Variants in MYPN observed in about 807,000 individuals in gnomAD.
MYPN encodes the protein myopalladin.
MYPN carries 63 observed loss-of-function variants against 129.4 expected under a neutral mutation model. The observed-to-expected ratio is 0.49, with a 90% CI of 0.40 to 0.60. The LOEUF is 0.60. MYPN is among the 20% of genes least tolerant of loss of function. MYPN has a pLI of 0.00. For synonymous variants in MYPN, 629 were observed against 600.9 expected (o/e 1.05, Z -0.68); for missense variants, 1,596 against 1,635.4 (o/e 0.98, Z 0.42).
chr10:68,192,622 C>T (rs891600832), intron 13 of MYPN, among the ~76,000 whole-genome samples: 1 of 152,134 alleles, frequency 6.6e-6, no homozygotes. Flanking sequence ...TAGAATTCAA[C>T]AGTGAATCCA....
intron 2 of MYPN, among the ~76,000 whole-genome samples, chr10:68,140,174 T>C (rs1332308348): frequency 6.6e-6 from 1 of 152,116 alleles, no homozygotes; most frequent in Non-Finnish European, 1.5e-5. Flanking sequence ...AAAGCTTATG[T>C]GTTCACAGAA....
intron 1 of MYPN, among the ~76,000 whole-genome samples, chr10:68,116,771 C>G (rs2042163510): frequency 6.6e-6 from 1 of 151,992 alleles, no homozygotes; most frequent in Non-Finnish European, 1.5e-5. Flanking sequence ...AAAAAGAAAA[C>G]AAAGCATGAT....
upstream of MYPN, among the ~76,000 whole-genome samples, chr10:68,104,055 C>T (rs919500401): frequency 3.9e-5 from 6 of 152,180 alleles, no homozygotes; most frequent in African/African-American, 1.4e-4. Flanking sequence ...GGCGTAATTT[C>T]CTCCCAGTAA....
intron 1 of MYPN, among the ~76,000 whole-genome samples, chr10:68,096,418 C>T (rs752687056): frequency 2.0e-5 from 3 of 151,998 alleles, no homozygotes; most frequent in Admixed American, 6.6e-5. Context: ...AAAAATTAGC[C>T]GGGCATGGTG....
At position 68,184,427 on chromosome 10, in the gene MYPN, T is replaced by C. The variant is rs530851597; in HGVS notation, c.2704-4478T>C. Among the ~76,000 whole-genome samples the C allele has an allele frequency of 8.6e-5, 11 of 128,580 alleles. No individual in the cohort carries two copies. The South Asian group carries it at 2.7e-3, about 32-fold the overall frequency. The allele number at this position is 128,580 out of a possible 152,430, so 84.4% of individuals were successfully genotyped here. A position where few individuals can be genotyped will look rare whatever the true frequency, so the allele number is the denominator to read the frequency against. Reference sequence around the variant, plus strand: ...GAGTAAACCCAGATCCTGTGTTAACTGTTGGAGGCATTTTTTTTTAGACGG... The same window carrying C: ...GAGTAAACCCAGATCCTGTGTTAACCGTTGGAGGCATTTTTTTTTAGACGG... On this transcript the variant is annotated intron_variant, in intron 12 of 19. Transcript: ENST00000358913.
rs960869945 is a variant in MYPN at position 68,121,657 on chromosome 10, C to T, written c.219C>T (p.Asp73=). ...CCTTTCTGAGCCAAGAAGAATTAGA[C>T]GAAAGTGTCAATTTGGCAAGACTGG... The part of the protein sequence containing the change: ...LSAFLSQEEL[D]ESVNLARLAI... The change falls in exon 2 of 20, where the codon GAC becomes GAT. Residue 73 remains aspartate (D), a synonymous_variant. Coordinates refer to ENST00000358913, the MANE Select transcript of MYPN (RefSeq NM_032578.4). The T allele has an allele frequency of 1.2e-6, 2 of 1,614,188 alleles. No homozygotes were observed. The highest frequency in any genetic ancestry group is 8.5e-7 in the Non-Finnish European group (1 of 1,180,036).
Position 68,114,216 on chromosome 10 carries a change from T to C in MYPN, c.-2+4493T>C, listed in dbSNP as rs148404561. ...ATAACTAAAAAATGAGTTTATTCCA[T>C]GTATTTCCAACAACAGGGTCTTCTT... On this transcript the variant is annotated intron_variant, in intron 1 of 19. Coordinates refer to ENST00000358913, the MANE Select transcript of MYPN (RefSeq NM_032578.4). The C allele has an allele frequency of 2.6e-4, 39 of 152,328 alleles. 1 individual carries two copies. In the East Asian group the frequency reaches 7.1e-3, roughly 28 times the overall value. The allele number at this position is 152,328 out of a possible 1,614,324, so 9.4% of individuals were successfully genotyped here.
In MYPN at chr10:68,174,243, G is replaced by C. The variant is rs150223120; in HGVS notation, c.2151G>C (p.Thr717=). Residue 717 remains threonine (T), a synonymous_variant, in exon 11 of 20, where the codon ACG becomes ACC. Coordinates refer to ENST00000358913, the MANE Select transcript of MYPN (RefSeq NM_032578.4). ...AGGTGAAGGCTCCTTCATCACAGAC[G>C]TTCAGCTTGGCCCGGCCGAAGTATT... is the stretch of plus-strand genomic sequence containing the variant. ...SKQVKAPSSQ[T]FSLARPKYFF... The C allele has an allele frequency of 3.1e-6, 5 of 1,613,958 alleles. No homozygotes were observed. Among genetic ancestry groups the C allele is most frequent in the Admixed American group, 1.7e-5 (1 of 59,984 alleles).
rs186190835 is a variant in MYPN at position 68,163,112 on chromosome 10, T to C, written c.1483+1360T>C. On this transcript the variant is annotated intron_variant, in intron 8 of 19. Coordinates refer to ENST00000358913, the MANE Select transcript of MYPN (RefSeq NM_032578.4). Reference sequence around the variant, plus strand: ...GAGTTAAAGACCAGCCTAGGCAATATAGTGAGCCTCCCACCTCTACAAAAA... The same window carrying C: ...GAGTTAAAGACCAGCCTAGGCAATACAGTGAGCCTCCCACCTCTACAAAAA... 2.4e-4 allele frequency among the ~76,000 whole-genome samples: 37 copies of C among 152,162 alleles called. No individual in the cohort carries two copies. The South Asian group carries it at 4.4e-3, about 18-fold the overall frequency.
intron 2 of MYPN, among the ~76,000 whole-genome samples, chr10:68,126,541 A>T (rs2042328626): frequency 6.6e-6 from 1 of 152,230 alleles, no homozygotes; most frequent in South Asian, 2.1e-4. Flanking sequence ...TAGGCATCTG[A>T]TGCTCTGGTC....
chr10:68,135,892 G>T (rs933194102), intron 2 of MYPN, among the ~76,000 whole-genome samples: 2 of 151,958 alleles, frequency 1.3e-5, no homozygotes, highest in Admixed American at 1.3e-4. Context: ...AATATATAAG[G>T]GTTCTGGAAA....
chr10:68,205,927 A>G (rs2043807443), intron 18 of MYPN, among the ~76,000 whole-genome samples: 1 of 152,214 alleles, frequency 6.6e-6, no homozygotes, highest in Admixed American at 6.5e-5. Context: ...TGATTGATTT[A>G]TTCTTTATTC....
chr10:68,093,156 GC>G (rs2041938615), intron 1 of MYPN, among the ~76,000 whole-genome samples: 2 of 152,122 alleles, frequency 1.3e-5, no homozygotes. Context: ...GGAATTTTAG[GC>G]GTGAGCCACC....
intron 8 of MYPN, among the ~76,000 whole-genome samples, chr10:68,163,670 A>G (rs1053054834): frequency 1.8e-4 from 28 of 152,292 alleles, no homozygotes; most frequent in African/African-American, 6.0e-4. Flanking sequence ...AATCCTGTCT[A>G]TAGCAACAAT....
Position 68,210,887 on chromosome 10 carries a change from G to T in MYPN, c.*432G>T, listed in dbSNP as rs1315066986. 3 of 455,574 alleles carry T rather than the reference G, an allele frequency of 6.6e-6. No homozygotes were observed. Among genetic ancestry groups the T allele is most frequent in the Non-Finnish European group, 1.3e-5 (3 of 227,666 alleles). The allele number at this position is 455,574 out of a possible 1,614,324, so 28.2% of individuals were successfully genotyped here. On this transcript the variant is annotated 3_prime_UTR_variant, in exon 20 of 20. Coordinates refer to ENST00000358913, the MANE Select transcript of MYPN (RefSeq NM_032578.4). ...ACAATGCCAAGGAGAAAGGCGGACA[G>T]GTCACCATCACCTTTCATCGATTAC...
At chr10:68,170,670 T>C (rs1460611639) in intron 10 of MYPN, among the ~76,000 whole-genome samples, 1 of 152,222 alleles carries the variant, frequency 6.6e-6, no homozygotes, top group East Asian at 1.9e-4. Context: ...CATCAAAGCC[T>C]GACTTTGAAA....
rs377292642 is a variant in MYPN, at chr10:68,136,095, C to T, written c.903-6845C>T. ...TAAAACAATGAGTCATAATATTTATCCAAGCCATATTTTAGAATAAATAGT... is the reference window on the plus strand; with the variant it reads ...TAAAACAATGAGTCATAATATTTATTCAAGCCATATTTTAGAATAAATAGT... On this transcript the variant is annotated intron_variant, in intron 2 of 19. Transcript: ENST00000358913. 4.7e-5 allele frequency: 15 copies of T among 318,874 alleles called. No individual in the cohort carries two copies. In the Admixed American group the frequency reaches 7.1e-4, roughly 15 times the overall value. 19.8% of individuals were successfully genotyped at this position (318,874 alleles called of 1,614,324 possible). A position where few individuals can be genotyped will look rare whatever the true frequency, so the allele number is the denominator to read the frequency against.
chr10:68,194,172 A>G lies in MYPN; in HGVS notation c.2926-191A>G, dbSNP rs1900013. Reference sequence around the variant, plus strand: ...AATATAATATTTAATATTAAATAGTATTATACAGGTACGAGTGGAGGGGCA... The same window carrying G: ...AATATAATATTTAATATTAAATAGTGTTATACAGGTACGAGTGGAGGGGCA... On this transcript the variant is annotated intron_variant, in intron 13 of 19. Coordinates refer to ENST00000358913, the MANE Select transcript of MYPN (RefSeq NM_032578.4). 0.54 allele frequency among the ~76,000 whole-genome samples: 82,214 copies of G among 151,558 alleles called. 23,875 individuals carry two copies. The highest frequency in any genetic ancestry group is 0.64 in the Non-Finnish European group (43,337 of 67,762).
At chr10:68,143,342 T>C (rs1005232050) in intron 3 of MYPN, among the ~76,000 whole-genome samples, 5 of 152,088 alleles carry the variant, frequency 3.3e-5, no homozygotes, top group East Asian at 1.9e-4. Context: ...TATGATATGA[T>C]AGGTATATAT....
Sources: allele counts gnomAD v4.1 joint callset (sites outside exome capture counted in the v4.1 genomes callset), GRCh38; gene constraint gnomAD v4.1.1; transcripts MANE v1.5; gene names NCBI Gene and HGNC (gene_info 2026-07-23, HGNC 2026-07-21).